Variants in CECR2 observed in about 807,000 individuals in gnomAD.
CECR2 encodes the protein CECR2 histone acetyl-lysine reader, also known as chromatin remodeling regulator CECR2.
CECR2 carries 30 observed loss-of-function variants against 154.5 expected under a neutral mutation model. The ratio of observed to expected loss-of-function variants is 0.19; its 90% CI spans 0.15 to 0.26. The LOEUF (loss-of-function observed/expected upper bound fraction) is 0.26. Among genes scored for constraint, CECR2 ranks in the 10% least tolerant of loss-of-function variants. The pLI, the probability that CECR2 is intolerant of heterozygous loss-of-function variation, is 1.00. For synonymous variants in CECR2, 725 were observed against 683.7 expected (o/e 1.06, Z -0.94); for missense variants, 1,743 against 1,829.3 (o/e 0.95, Z 0.86).
intron 9 of CECR2, among the ~76,000 whole-genome samples, chr22:17,531,112 T>C (rs1364108345): frequency 2.6e-5 from 4 of 152,166 alleles, no homozygotes; most frequent in Admixed American, 1.3e-4. Flanking sequence ...AGTTAATCAG[T>C]TGGGGTCCAG....
At chr22:17,382,769 G>A (rs536691993) in intron 1 of CECR2, among the ~76,000 whole-genome samples, 1 of 152,214 alleles carries the variant, frequency 6.6e-6, no homozygotes, top group South Asian at 2.1e-4. Flanking sequence ...GTTGGGTGTG[G>A]TGGTGTGCAC....
chr22:17,384,643 T>C (rs1017452175), intron 1 of CECR2, among the ~76,000 whole-genome samples: 12 of 152,332 alleles, frequency 7.9e-5, no homozygotes, highest in East Asian at 7.7e-4. Context: ...TGTGCTGTTA[T>C]CCAGGTTTTG....
intron 9 of CECR2, among the ~76,000 whole-genome samples, chr22:17,526,685 G>A (rs530678753): frequency 9.9e-5 from 15 of 151,496 alleles, no homozygotes; most frequent in African/African-American, 2.2e-4. Context: ...GGCAGGCACC[G>A]GTAATCCCAG....
intron 8 of CECR2, among the ~76,000 whole-genome samples, chr22:17,522,866 G>A (rs5747217): frequency 0.16 from 23,780 of 151,976 alleles, 2,250 homozygotes; most frequent in East Asian, 0.46. Flanking sequence ...TTAGCTAGGC[G>A]TGGTGGTACA....
At chr22:17,524,394 T>TTTTTC in intron 9 of CECR2, 123 bp downstream of exon 9, 1 of 1,097,746 alleles carries the variant, frequency 9.1e-7, no homozygotes. Context: ...TTTCTTTTTT[T>TTTTTC]TTTTTTTTTT....
chr22:17,546,485 CA>C (rs35754406), intron 16 of CECR2, among the ~76,000 whole-genome samples: 746 of 67,660 alleles, frequency 0.011, 1 homozygote, highest in East Asian at 0.055. Flanking sequence ...GACTCTGTCT[CA>C]AAAAAAAAAA....
At chr22:17,400,042 A>C (rs950106917) in intron 1 of CECR2, among the ~76,000 whole-genome samples, 2 of 152,180 alleles carry the variant, frequency 1.3e-5, no homozygotes, top group South Asian at 4.1e-4. Flanking sequence ...TAATATATTA[A>C]GTTCTAAAGC....
At chr22:17,384,232 A>G (rs2146484155) in intron 1 of CECR2, among the ~76,000 whole-genome samples, 1 of 152,228 alleles carries the variant, frequency 6.6e-6, no homozygotes, top group Non-Finnish European at 1.5e-5. Flanking sequence ...TATGGCAGCT[A>G]TTGCCTTACA....
intron 1 of CECR2, among the ~76,000 whole-genome samples, chr22:17,371,150 A>AAT (rs1569036903): frequency 6.6e-6 from 1 of 152,174 alleles, no homozygotes; most frequent in Non-Finnish European, 1.5e-5. Context: ...TGTTTGCTGA[A>AAT]ATATCAGTTG....
chr22:17,513,491 G>A (rs538760746), intron 8 of CECR2, among the ~76,000 whole-genome samples: 36 of 152,316 alleles, frequency 2.4e-4, no homozygotes, highest in Middle Eastern at 3.4e-3. Context: ...CCCTGAAAAG[G>A]GAAAGCTAAT....
chr22:17,470,392 CAAAAAAAAAA>C (rs5844313), intron 1 of CECR2, among the ~76,000 whole-genome samples: 4 of 99,848 alleles, frequency 4.0e-5, no homozygotes, highest in African/African-American at 1.3e-4. Flanking sequence ...GACTCCGTCT[CAAAAAAAAAA>C]AAAAAAGAAA....
At position 17,544,833 on chromosome 22, in the gene CECR2, AAAAG is replaced by A. The variant is rs1448912968; in HGVS notation, c.2860+1831_2860+1834del. 7.3e-5 allele frequency among the ~76,000 whole-genome samples: 11 copies of A among 150,594 alleles called. 1 individual carries two copies. Among genetic ancestry groups the A allele is most frequent in the South Asian group, 4.2e-4 (2 of 4,746 alleles). On this transcript the variant is annotated intron_variant, in intron 16 of 18. Coordinates refer to ENST00000262608, the MANE Select transcript of CECR2 (RefSeq NM_001290047.2). ...TCAAAAAAAAAAAAAAAAAAAAAAA[AAAAG>A]GTTCATGCCTATAGTCCCAGCTACT... is the stretch of plus-strand genomic sequence containing the variant.
At chr22:17,552,223 A>T in intron 18 of CECR2, 81 bp downstream of exon 18, 2 of 1,316,812 alleles carry the variant, frequency 1.5e-6, no homozygotes, top group South Asian at 1.2e-5. Context: ...GCTGTTCTGA[A>T]AAAATGTTTT....
intron 5 of CECR2, among the ~76,000 whole-genome samples, chr22:17,501,354 C>T (rs1397024509): frequency 6.6e-6 from 1 of 152,074 alleles, no homozygotes; most frequent in Non-Finnish European, 1.5e-5. Flanking sequence ...CTCAGGAGAT[C>T]GAGACCATCC....
In CECR2 at chr22:17,554,510, G is replaced by A. The variant is rs533463360; in HGVS notation, c.*1670G>A. 8 of 152,162 alleles carry A rather than the reference G, an allele frequency of 5.3e-5. No homozygotes were observed. Among genetic ancestry groups the A allele is most frequent in the African/African-American group, 1.9e-4 (8 of 41,424 alleles). The allele number at this position is 152,162 out of a possible 1,614,324, so 9.4% of individuals were successfully genotyped here. A position where few individuals can be genotyped will look rare whatever the true frequency, so the allele number is the denominator to read the frequency against. ...GCTAATCGGAAGCATCCATGATACA[G>A]AGAAATGAAAGCCAAGACACCAGTT... On this transcript the variant is annotated 3_prime_UTR_variant, in exon 19 of 19. Transcript: ENST00000262608.
rs1197207902 is a variant in CECR2 at position 17,471,497 on chromosome 22, A to AT, written c.127-6090dup. Among the ~76,000 whole-genome samples the AT allele has an allele frequency of 3.3e-5, 5 of 152,130 alleles. 1 individual carries two copies. The highest frequency in any genetic ancestry group is 6.6e-5 in the Admixed American group (1 of 15,264). On this transcript the variant is annotated intron_variant, in intron 1 of 18. Coordinates refer to ENST00000262608, the MANE Select transcript of CECR2 (RefSeq NM_001290047.2). ...CTTTCGCAGTGCTCAGGAATTGTTAATATGAGTGTGGGGTTTTTTATTGTT... is the reference window on the plus strand; with the variant it reads ...CTTTCGCAGTGCTCAGGAATTGTTAATTATGAGTGTGGGGTTTTTTATTGTT...
chr22:17,547,237 C>CTTTTTTT (rs111281450), intron 16 of CECR2, among the ~76,000 whole-genome samples: 1 of 146,554 alleles, frequency 6.8e-6, no homozygotes, highest in Non-Finnish European at 1.5e-5. Context: ...AAAAATGCCT[C>CTTTTTTT]TTTTTTTTTT....
intron 1 of CECR2, among the ~76,000 whole-genome samples, chr22:17,444,285 A>G (rs1392668099): frequency 1.3e-5 from 2 of 152,216 alleles, no homozygotes; most frequent in East Asian, 1.9e-4. Flanking sequence ...ACCAGGTGAC[A>G]TATGAATAAG....
Position 17,447,039 on chromosome 22 carries a change from T to G in CECR2, c.127-30549T>G, listed in dbSNP as rs1313326515. Among the ~76,000 whole-genome samples the G allele has an allele frequency of 2.1e-4, 30 of 141,664 alleles. 2 individuals carry two copies. Among genetic ancestry groups the G allele is most frequent in the Middle Eastern group, 3.6e-3 (1 of 278 alleles). The allele number at this position is 141,664 out of a possible 152,430, so 92.9% of individuals were successfully genotyped here. ...TGAGTGGTGCGTTTACAATCTTTTT[T>G]TTTTTTTTTTTTTGAGACAGAGTCT... is the stretch of plus-strand genomic sequence containing the variant. On this transcript the variant is annotated intron_variant, in intron 1 of 18. Coordinates refer to ENST00000262608, the MANE Select transcript of CECR2 (RefSeq NM_001290047.2).
Sources: allele counts gnomAD v4.1 joint callset (sites outside exome capture counted in the v4.1 genomes callset), GRCh38; gene constraint gnomAD v4.1.1; transcripts MANE v1.5; gene names NCBI Gene and HGNC (gene_info 2026-07-23, HGNC 2026-07-21).